Variants in TSHR observed in about 807,000 individuals in gnomAD.
The protein encoded by TSHR is thyrotropin receptor.
Under a neutral mutation model 64.1 loss-of-function variants are expected in TSHR, and 51 were observed. The ratio of observed to expected loss-of-function variants is 0.80; its 90% confidence interval spans 0.64 to 1.01. The LOEUF (loss-of-function observed/expected upper bound fraction) is 1.01. Ranked by LOEUF, TSHR falls within the 50% of genes least tolerant of loss-of-function variation. The pLI is 0.00. For missense variants in TSHR, 877 were observed against 942.8 expected (o/e 0.93, Z 0.91); for synonymous variants, 361 against 361.9 (o/e 1.00, Z 0.03).
chr14:81,142,881 A>G lies in TSHR; in HGVS notation c.882-59A>G, dbSNP rs1043877302. 8.6e-6 allele frequency: 13 copies of G among 1,512,780 alleles called. No individual in the cohort carries two copies. In the Admixed American group the frequency reaches 2.0e-4, roughly 23 times the overall value. 93.7% of individuals were successfully genotyped at this position (1,512,780 alleles called of 1,614,324 possible). A position where few individuals can be genotyped will look rare whatever the true frequency, so the allele number is the denominator to read the frequency against. On this transcript the variant is annotated intron_variant, in intron 9 of 9. Transcript: ENST00000298171. ...TGCCTTGGCCTCCCAAAGTGCTGGG[A>G]TTACAGTCATGAGCCACTGCGCCCA...
intron 3 of TSHR, among the ~76,000 whole-genome samples, chr14:81,070,743 G>A (rs1053306336): frequency 6.9e-6 from 1 of 144,066 alleles, no homozygotes; most frequent in African/African-American, 2.6e-5. Flanking sequence ...TAAAACAACA[G>A]AAAGATATTT....
intron 1 of TSHR, among the ~76,000 whole-genome samples, chr14:81,023,220 G>C (rs1883865727): frequency 1.3e-5 from 2 of 152,060 alleles, no homozygotes; most frequent in Admixed American, 6.5e-5. Flanking sequence ...TGCTTGATCT[G>C]GGACATCAGT....
intron 1 of TSHR, among the ~76,000 whole-genome samples, chr14:81,022,106 CAA>C (rs10631450): frequency 3.5e-5 from 4 of 115,552 alleles, no homozygotes; most frequent in Non-Finnish European, 5.2e-5. Flanking sequence ...ACTAAAAATA[CAA>C]AAAAAAAAAA....
intron 1 of TSHR, among the ~76,000 whole-genome samples, chr14:80,981,076 T>A (rs200899430): frequency 6.6e-6 from 1 of 152,254 alleles, no homozygotes; most frequent in Admixed American, 6.5e-5. Context: ...GAGATCTTAA[T>A]GGCTCTTTCA....
At chr14:81,060,160 T>C (rs1886129395) in intron 1 of TSHR, among the ~76,000 whole-genome samples, 1 of 152,172 alleles carries the variant, frequency 6.6e-6, no homozygotes, top group Admixed American at 6.6e-5. Flanking sequence ...TAGTCCCATA[T>C]TACCTACAAT....
At chr14:80,957,575 AC>A (rs1886766870) in intron 1 of TSHR, among the ~76,000 whole-genome samples, 2 of 152,236 alleles carry the variant, frequency 1.3e-5, no homozygotes, top group Admixed American at 1.3e-4. Context: ...TTCTTCAGAG[AC>A]TTCTTTAACA....
intron 8 of TSHR, among the ~76,000 whole-genome samples, chr14:81,118,653 C>T (rs911090524): frequency 3.3e-4 from 51 of 152,242 alleles, no homozygotes; most frequent in African/African-American, 8.4e-4. Flanking sequence ...CAATGACTTT[C>T]GTCACAGAAT....
At chr14:80,978,175 A>T (rs1375095822) in intron 1 of TSHR, among the ~76,000 whole-genome samples, 2 of 151,904 alleles carry the variant, frequency 1.3e-5, no homozygotes, top group African/African-American at 4.8e-5. Flanking sequence ...ACAGGCCAGG[A>T]AAGTTCTCTC....
At chr14:81,122,879 C>G (rs748117175) in intron 8 of TSHR, among the ~76,000 whole-genome samples, 1 of 152,088 alleles carries the variant, frequency 6.6e-6, no homozygotes, top group African/African-American at 2.4e-5. Context: ...AATCCCAGCA[C>G]TTTGGGAGGC....
At chr14:81,110,572 T>C (rs1310693255) in intron 8 of TSHR, among the ~76,000 whole-genome samples, 1 of 152,258 alleles carries the variant, frequency 6.6e-6, no homozygotes, top group Non-Finnish European at 1.5e-5. Flanking sequence ...TTTGTTACCA[T>C]AGCTCTAGCA....
At chr14:81,065,687 C>A (rs1295676374) in intron 2 of TSHR, among the ~76,000 whole-genome samples, 1 of 152,058 alleles carries the variant, frequency 6.6e-6, no homozygotes, top group Admixed American at 6.5e-5. Context: ...ACTGTGAGTT[C>A]CTTGAAGGTA....
chr14:81,001,660 A>G, intron 1 of TSHR: 1 of 517,756 alleles, frequency 1.9e-6, no homozygotes, highest in Non-Finnish European at 3.9e-6. Context: ...TCTTTCAGAT[A>G]CTTGGTGGCT....
At chr14:80,985,532 T>C (rs559170114) in intron 1 of TSHR, among the ~76,000 whole-genome samples, 1 of 152,342 alleles carries the variant, frequency 6.6e-6, no homozygotes, top group South Asian at 2.1e-4. Context: ...ACAGTGATTC[T>C]TAGTCGTTGG....
At chr14:80,977,265 A>G (rs148279786) in intron 1 of TSHR, among the ~76,000 whole-genome samples, 25 of 152,380 alleles carry the variant, frequency 1.6e-4, no homozygotes, top group Non-Finnish European at 3.4e-4. Flanking sequence ...GTTTACTACC[A>G]TGACAATAAT....
intron 7 of TSHR, chr14:81,105,017 T>C: frequency 7.1e-6 from 7 of 985,418 alleles, no homozygotes; most frequent in Non-Finnish European, 7.2e-6. Flanking sequence ...TTTCGTCTCT[T>C]ACTACAAGCC....
chr14:81,050,120 A>G (rs1372976626), intron 1 of TSHR: 1 of 152,208 alleles, frequency 6.6e-6, no homozygotes, highest in Non-Finnish European at 1.5e-5. Context: ...AGACATATAA[A>G]ATCTCTTAAG....
At chr14:81,037,420 A>AAAACAAAC (rs370208073) in intron 1 of TSHR, among the ~76,000 whole-genome samples, 4 of 140,682 alleles carry the variant, frequency 2.8e-5, no homozygotes, top group Admixed American at 7.0e-5. Context: ...AAGGAAATAC[A>AAAACAAAC]AAACAAACAA....
chr14:81,125,634 T>A (rs992409782), intron 8 of TSHR, among the ~76,000 whole-genome samples: 5 of 152,148 alleles, frequency 3.3e-5, no homozygotes, highest in African/African-American at 1.2e-4. Flanking sequence ...ACTTTCTTTC[T>A]GTGCTTACCA....
chr14:80,986,686 C>T (rs1392048184), intron 1 of TSHR, among the ~76,000 whole-genome samples: 4 of 152,192 alleles, frequency 2.6e-5, no homozygotes, highest in African/African-American at 7.2e-5. Flanking sequence ...GGGGTTTCAT[C>T]GTGTTGGCCA....
Sources: allele counts gnomAD v4.1 joint callset (sites outside exome capture counted in the v4.1 genomes callset), GRCh38; gene constraint gnomAD v4.1.1; transcripts MANE v1.5; gene names NCBI Gene and HGNC (gene_info 2026-07-23, HGNC 2026-07-21).